Variants in ANKRD44 observed in about 807,000 individuals in gnomAD.
ANKRD44 encodes ankyrin repeat domain 44, also known as serine/threonine-protein phosphatase 6 regulatory ankyrin repeat subunit B.
ANKRD44 carries 35 observed loss-of-function variants against 116.0 expected under a neutral mutation model. That is an observed-to-expected ratio of 0.30 (90% CI 0.23 to 0.40). The LOEUF (loss-of-function observed/expected upper bound fraction) is 0.40, where lower values mean the gene tolerates loss of function less well. Among genes scored for constraint, ANKRD44 ranks in the 10% least tolerant of loss-of-function variants. The pLI is 1.00. For synonymous variants in ANKRD44, 435 were observed against 461.8 expected (o/e 0.94, Z 0.74); for missense variants, 1,014 against 1,242.6 (o/e 0.82, Z 2.77).
At chr2:196,998,051 G>A (rs1032114193) in intron 25 of ANKRD44, among the ~76,000 whole-genome samples, 2 of 151,182 alleles carry the variant, frequency 1.3e-5, no homozygotes, top group African/African-American at 4.8e-5. Flanking sequence ...AGACAGATAC[G>A]ATGGCAGCAT....
intron 1 of ANKRD44, among the ~76,000 whole-genome samples, chr2:197,260,250 C>T (rs2082563559): frequency 6.6e-6 from 1 of 152,150 alleles, no homozygotes; most frequent in Non-Finnish European, 1.5e-5. Context: ...CACTCCACAA[C>T]AGTCCCCGGT....
intron 21 of ANKRD44, 126 bp from the exon 22 acceptor site, chr2:197,001,966 T>C: frequency 1.5e-6 from 1 of 651,332 alleles, no homozygotes; most frequent in Non-Finnish European, 2.6e-6. Context: ...ACATTCATTC[T>C]CCATGAAATA....
intron 16 of ANKRD44, among the ~76,000 whole-genome samples, chr2:197,053,574 C>A (rs572969957): frequency 2.4e-4 from 37 of 152,200 alleles, no homozygotes; most frequent in Non-Finnish European, 4.4e-4. Context: ...ACCTCTGTCT[C>A]CTGGGTTCAA....
At chr2:197,064,922 G>T (rs2077398286) in intron 16 of ANKRD44, among the ~76,000 whole-genome samples, 2 of 152,234 alleles carry the variant, frequency 1.3e-5, no homozygotes, top group East Asian at 3.9e-4. Flanking sequence ...AGGATATCCA[G>T]GAATTGAACT....
At chr2:197,176,991 G>T (rs991924608) in intron 2 of ANKRD44, among the ~76,000 whole-genome samples, 2 of 152,062 alleles carry the variant, frequency 1.3e-5, no homozygotes, top group Non-Finnish European at 2.9e-5. Context: ...TAATCATATA[G>T]TTATTTAACA....
At chr2:197,237,729 T>C (rs542176170) in intron 1 of ANKRD44, among the ~76,000 whole-genome samples, 1 of 152,364 alleles carries the variant, frequency 6.6e-6, no homozygotes, top group Admixed American at 6.5e-5. Flanking sequence ...TTGTTTTATT[T>C]ATTTTGTGAT....
intron 3 of ANKRD44, among the ~76,000 whole-genome samples, chr2:197,145,111 G>A (rs58871860): frequency 6.6e-6 from 1 of 152,148 alleles, no homozygotes; most frequent in African/African-American, 2.4e-5. Context: ...CTAACATGGT[G>A]AAACCCCATC....
intron 1 of ANKRD44, 92 bp from the exon 2 acceptor site, chr2:197,187,198 T>C (rs1222384268): frequency 7.8e-7 from 1 of 1,286,532 alleles, no homozygotes; most frequent in Non-Finnish European, 1.1e-6. Flanking sequence ...TCCTTAAAAG[T>C]TTATTGAACC....
intron 9 of ANKRD44, among the ~76,000 whole-genome samples, chr2:197,108,375 A>G (rs1005291108): frequency 2.6e-5 from 4 of 152,248 alleles, no homozygotes; most frequent in African/African-American, 9.6e-5. Flanking sequence ...ATTATATATA[A>G]TAGGCTACAT....
intron 2 of ANKRD44, among the ~76,000 whole-genome samples, chr2:197,153,243 A>G (rs1466045251): frequency 8.7e-6 from 1 of 115,108 alleles, no homozygotes. Context: ...AAAAAAAAAA[A>G]AAAAGAAGAA....
chr2:197,122,514 CA>C, intron 7 of ANKRD44, 135 bp downstream of exon 7: 1 of 1,224,296 alleles, frequency 8.2e-7, no homozygotes, highest in Non-Finnish European at 1.1e-6. Flanking sequence ...CAGTTGCCCA[CA>C]AAAACTCAAA....
At chr2:197,049,235 T>C (rs2077060406) in intron 16 of ANKRD44, among the ~76,000 whole-genome samples, 1 of 152,222 alleles carries the variant, frequency 6.6e-6, no homozygotes. Context: ...TGTGGTGTTT[T>C]AGACATGAAG....
chr2:197,009,515 A>G lies in ANKRD44; in HGVS notation c.1925-484T>C, dbSNP rs1287603076. Among the ~76,000 whole-genome samples, 5 of 152,136 alleles carry G rather than the reference A, an allele frequency of 3.3e-5. No individual in the cohort carries two copies. In the East Asian group the frequency reaches 9.7e-4, roughly 29 times the overall value. ...CTCCCGAGTAGCTGGGATTATAGGC[A>G]TGCACCACCACACCCGCTAATTTTT... On this transcript the variant is annotated intron_variant, in intron 18 of 27. Coordinates refer to ENST00000282272, the MANE Select transcript of ANKRD44 (RefSeq NM_001195144.2).
At chr2:197,073,896 T>C (rs904416181) in intron 16 of ANKRD44, among the ~76,000 whole-genome samples, 1 of 152,252 alleles carries the variant, frequency 6.6e-6, no homozygotes, top group South Asian at 2.1e-4. Flanking sequence ...TGAAATGTTC[T>C]ATTTTAACAC....
chr2:197,219,705 T>C lies in ANKRD44; in HGVS notation c.28-32599A>G, dbSNP rs149554103. ...GGTCTGCAAAGTGCAGGAAAAATAA[T>C]TCACCAGATGGATCATGTGGTGTAA... On this transcript the variant is annotated intron_variant, in intron 1 of 27. Transcript: ENST00000282272. 3.1e-3 allele frequency among the ~76,000 whole-genome samples: 468 copies of C among 152,332 alleles called. 5 individuals carry two copies. The highest frequency in any genetic ancestry group is 0.011 in the African/African-American group (451 of 41,576).
intron 18 of ANKRD44, among the ~76,000 whole-genome samples, chr2:197,011,534 G>A (rs954730485): frequency 6.6e-6 from 1 of 150,866 alleles, no homozygotes; most frequent in South Asian, 2.1e-4. Context: ...GTGCAGTGGC[G>A]TGAACTCGGC....
At chr2:197,008,511 C>A (rs2076239819) in intron 19 of ANKRD44, among the ~76,000 whole-genome samples, 1 of 152,078 alleles carries the variant, frequency 6.6e-6, no homozygotes, top group South Asian at 2.1e-4. Context: ...AATATGCCAA[C>A]AGAAGGAAAT....
chr2:197,125,412 G>C lies in ANKRD44; in HGVS notation c.519C>G (p.Asp173Glu), dbSNP rs754660333. ...GANINAFDKK[D>E]RRALHWAAYM... Reference sequence around the variant, plus strand: ...ATGCTGCCCAGTGCAGAGCACGCCGGTCCTTCTTGTCAAATGCATTGATAT... The same window carrying C: ...ATGCTGCCCAGTGCAGAGCACGCCGCTCCTTCTTGTCAAATGCATTGATAT... Residue 173 changes from aspartate (D) to glutamate (E), a missense_variant, in exon 6 of 28, where the codon GAC becomes GAG. Coordinates refer to ENST00000282272, the MANE Select transcript of ANKRD44 (RefSeq NM_001195144.2). 2.5e-6 allele frequency: 4 copies of C among 1,614,048 alleles called. No individual in the cohort carries two copies. The highest frequency in any genetic ancestry group is 3.4e-6 in the Non-Finnish European group (4 of 1,180,040).
At chr2:197,188,638 T>C (rs1039178327) in intron 1 of ANKRD44, among the ~76,000 whole-genome samples, 1 of 152,178 alleles carries the variant, frequency 6.6e-6, no homozygotes, top group African/African-American at 2.4e-5. Flanking sequence ...TGAGAAAATG[T>C]CCTCTAACCA....
Sources: gnomAD v4.1 joint callset for allele counts (sites outside exome capture counted in the v4.1 genomes callset) on GRCh38, gnomAD v4.1.1 for gene constraint, MANE v1.5 for transcripts, NCBI Gene and HGNC (gene_info 2026-07-23, HGNC 2026-07-21) for gene names.